SYN3: variants seen among roughly 807,000 people sequenced by gnomAD.
The protein encoded by SYN3 is synapsin-3.
Under a neutral mutation model 65.8 loss-of-function variants are expected in SYN3, and 35 were observed. That is an observed-to-expected ratio of 0.53 (90% CI 0.41 to 0.70). SYN3 has a LOEUF of 0.70. Among genes scored for constraint, SYN3 ranks in the 30% least tolerant of loss-of-function variants. SYN3 has a pLI of 0.00. For missense variants in SYN3, 680 were observed against 749.0 expected, an observed-to-expected ratio of 0.91 and a Z score of 1.08; for synonymous variants, 270 against 292.9, an observed-to-expected ratio of 0.92 and a Z score of 0.80.
At chr22:32,857,443 T>G in intron 6 of SYN3, 1 of 1,018,512 alleles carries the variant, frequency 9.8e-7, no homozygotes, top group South Asian at 1.3e-5. Flanking sequence ...TACGGAGTAG[T>G]TGACTCACCA....
chr22:32,958,131 A>T (rs889372126), intron 3 of SYN3, among the ~76,000 whole-genome samples: 3 of 152,206 alleles, frequency 2.0e-5, no homozygotes, highest in Admixed American at 6.5e-5. Flanking sequence ...AGTGTCCACA[A>T]ATAGCTGTAA....
intron 7 of SYN3, among the ~76,000 whole-genome samples, chr22:32,572,107 A>C (rs5998545): frequency 0.34 from 50,835 of 151,312 alleles, 8,697 homozygotes; most frequent in African/African-American, 0.41. Flanking sequence ...GAAGGTACTT[A>C]AGTTGGGTCT....
intron 6 of SYN3, among the ~76,000 whole-genome samples, chr22:32,664,140 G>A (rs1048501756): frequency 2.6e-5 from 4 of 152,230 alleles, no homozygotes; most frequent in Non-Finnish European, 4.4e-5. Flanking sequence ...GGAGCAAGTA[G>A]ATAAACCAAG....
intron 6 of SYN3, among the ~76,000 whole-genome samples, chr22:32,741,749 G>A (rs1004315698): frequency 6.6e-6 from 1 of 152,078 alleles, no homozygotes. Context: ...TGTCAATAGC[G>A]AAATTAGTGG....
chr22:32,615,627 G>A (rs569308756), intron 6 of SYN3, among the ~76,000 whole-genome samples: 17 of 152,050 alleles, frequency 1.1e-4, no homozygotes, highest in Non-Finnish European at 2.2e-4. Context: ...AGTGGGCTTT[G>A]AGGGATAGCA....
intron 3 of SYN3, among the ~76,000 whole-genome samples, chr22:32,972,229 A>C (rs1373836917): frequency 2.6e-5 from 4 of 152,328 alleles, no homozygotes; most frequent in Non-Finnish European, 5.9e-5. Flanking sequence ...AAATGACATA[A>C]GTTTAGCATT....
intron 1 of SYN3, among the ~76,000 whole-genome samples, chr22:33,023,833 T>C (rs58050936): frequency 0.014 from 2,075 of 152,294 alleles, 50 homozygotes; most frequent in African/African-American, 0.047. Context: ...CCCTTCAAAA[T>C]AAATTTCAAT....
In SYN3 at chr22:32,611,326, C is replaced by T. The variant is rs142179727; in HGVS notation, c.712-14590G>A. Among the ~76,000 whole-genome samples, 617 of 136,622 alleles carry T rather than the reference C, an allele frequency of 4.5e-3. 4 individuals are homozygous for T. Among genetic ancestry groups the T allele is most frequent in the African/African-American group, 0.016 (588 of 35,728 alleles). 89.6% of individuals were successfully genotyped at this position (136,622 alleles called of 152,430 possible). On this transcript the variant is annotated intron_variant, in intron 6 of 13. Transcript: ENST00000358763. ...TTTTTGTGGGGGGGATGGAGTCTCG[C>T]CCTGTTGCCCAGGCTGGAGTGCAAT...
chr22:32,894,132 T>C (rs2162509), intron 4 of SYN3, among the ~76,000 whole-genome samples: 92,205 of 152,002 alleles, frequency 0.61, 28,517 homozygotes, highest in Non-Finnish European at 0.67. Context: ...GTAATACTTA[T>C]GTCTTCTACG....
intron 6 of SYN3, among the ~76,000 whole-genome samples, chr22:32,767,066 T>G (rs997413394): frequency 2.3e-4 from 35 of 152,168 alleles, no homozygotes; most frequent in African/African-American, 8.0e-4. Flanking sequence ...CCTTCCGGGA[T>G]AGAATGAATC....
At position 32,736,889 on chromosome 22, in the gene SYN3, T is replaced by C. The variant is rs919949027; in HGVS notation, c.711+128026A>G. Among the ~76,000 whole-genome samples the C allele has an allele frequency of 2.0e-5, 3 of 152,214 alleles. No homozygotes were observed. In the East Asian group the frequency reaches 5.8e-4, roughly 29 times the overall value. On this transcript the variant is annotated intron_variant, in intron 6 of 13. Transcript: ENST00000358763. ...CTTCCTTACTTGCCTGAAGCCTGTG[T>C]ATTCTTCAAATGCTCTCCTATTCTT... is the stretch of plus-strand genomic sequence containing the variant.
At chr22:32,952,343 A>T (rs1031382935) in intron 3 of SYN3, among the ~76,000 whole-genome samples, 3 of 152,148 alleles carry the variant, frequency 2.0e-5, no homozygotes, top group Non-Finnish European at 4.4e-5. Flanking sequence ...GGATAAACAC[A>T]TTAAAAATGT....
At chr22:33,057,295 G>T (rs950624398) in intron 1 of SYN3, among the ~76,000 whole-genome samples, 1 of 152,106 alleles carries the variant, frequency 6.6e-6, no homozygotes, top group African/African-American at 2.4e-5. Context: ...GCACTTTAAG[G>T]TCTGTGCAGG....
chr22:32,518,816 A>G (rs1388707055), intron 12 of SYN3, among the ~76,000 whole-genome samples: 1 of 152,196 alleles, frequency 6.6e-6, no homozygotes, highest in Non-Finnish European at 1.5e-5. Context: ...AATTGTGTTC[A>G]CCCTGTCCCA....
chr22:32,541,676 G>T lies in SYN3; in HGVS notation c.812C>A (p.Thr271Asn), dbSNP rs1301548888. 1.2e-6 allele frequency: 2 copies of T among 1,614,110 alleles called. No homozygotes were observed. The highest frequency in any genetic ancestry group is 1.1e-5 in the South Asian group (1 of 91,074). ...VENQLDFQDI[T>N]SVVAMAKTYA... is the part of the protein sequence containing the mutation. ...GGTTTTGGCCATGGCGACCACGCTGGTGATGTCCTGGAAGTCAAGCTGGTT... is the reference window on the plus strand; with the variant it reads ...GGTTTTGGCCATGGCGACCACGCTGTTGATGTCCTGGAAGTCAAGCTGGTT... The change falls in exon 8 of 14, where the codon ACC becomes AAC. Residue 271 changes from threonine (T) to asparagine (N), a missense_variant. Thr to Asn is a moderately conservative substitution (Grantham distance 65). Transcript: ENST00000358763.
Position 32,613,964 on chromosome 22 carries a change from C to T in SYN3, c.712-17228G>A, listed in dbSNP as rs1403460866. Among the ~76,000 whole-genome samples, 4 of 152,320 alleles carry T rather than the reference C, an allele frequency of 2.6e-5. No individual in the cohort carries two copies. In the East Asian group the frequency reaches 7.7e-4, roughly 29 times the overall value. Reference sequence around the variant, plus strand: ...CAGACCACCTGCGCTTGAATCTCAGCCCTACCACTGCTGAGCTGTGTGTCC... The same window carrying T: ...CAGACCACCTGCGCTTGAATCTCAGTCCTACCACTGCTGAGCTGTGTGTCC... On this transcript the variant is annotated intron_variant, in intron 6 of 13. Transcript: ENST00000358763.
intron 4 of SYN3, among the ~76,000 whole-genome samples, chr22:32,921,629 C>T (rs1316682211): frequency 6.6e-6 from 1 of 152,176 alleles, no homozygotes; most frequent in East Asian, 1.9e-4. Flanking sequence ...AAAGTGTGAT[C>T]TGGGGCAATG....
intron 6 of SYN3, among the ~76,000 whole-genome samples, chr22:32,800,319 C>T (rs914866186): frequency 6.6e-6 from 1 of 152,064 alleles, no homozygotes; most frequent in Non-Finnish European, 1.5e-5. Context: ...TGGCCATTTG[C>T]AGTTAGATGG....
In SYN3 at chr22:32,828,650, T is replaced by G. The variant is rs531772633; in HGVS notation, c.711+36265A>C. ...AAGTGACCTGCCTGATGCTACCTCA[T>G]GAGTTAGTGGTCCAGGCAGTTAGAA... On this transcript the variant is annotated intron_variant, in intron 6 of 13. Coordinates refer to ENST00000358763, the MANE Select transcript of SYN3 (RefSeq NM_003490.4). Among the ~76,000 whole-genome samples, 3 of 152,302 alleles carry G rather than the reference T, an allele frequency of 2.0e-5. No individual in the cohort carries two copies. In the East Asian group the frequency reaches 5.8e-4, roughly 29 times the overall value.
Sources: gnomAD v4.1 joint callset for allele counts (sites outside exome capture counted in the v4.1 genomes callset) on GRCh38, gnomAD v4.1.1 for gene constraint, MANE v1.5 for transcripts, NCBI Gene and HGNC (gene_info 2026-07-23, HGNC 2026-07-21) for gene names.